The following MDFIC2 variants were observed in gnomAD, a reference collection of about 807,000 sequenced individuals.
MDFIC2 encodes MyoD family inhibitor domain containing 2, also known as myoD family inhibitor domain-containing protein 2.
chr3:70,234,971 C>T (rs569834751), intron 2 of MDFIC2, among the ~76,000 whole-genome samples: 2 of 152,208 alleles, frequency 1.3e-5, no homozygotes, highest in Admixed American at 1.3e-4. Flanking sequence ...CTGGGCATCA[C>T]GATTTTTAGC....
intron 2 of MDFIC2, among the ~76,000 whole-genome samples, chr3:70,261,914 C>A (rs1344075532): frequency 2.0e-5 from 3 of 152,060 alleles, no homozygotes; most frequent in Non-Finnish European, 4.4e-5. Context: ...TGTTTCATAC[C>A]TTACCATAAA....
Position 70,225,423 on chromosome 3 carries a change from A to G in MDFIC2, c.89-18633T>C, listed in dbSNP as rs76210785. Among the ~76,000 whole-genome samples the G allele has an allele frequency of 6.9e-3, 1,045 of 152,122 alleles. 61 individuals are homozygous for G. In the East Asian group the frequency reaches 0.15, roughly 21 times the overall value. ...TAACAATGCTTTATTATTCACATTG[A>G]TCTTTTTTTATAGTGTTCTTTATCT... On this transcript the variant is annotated intron_variant, in intron 2 of 3. Transcript: ENST00000567252.
chr3:70,233,104 G>T (rs962843376), intron 2 of MDFIC2, among the ~76,000 whole-genome samples: 6 of 152,118 alleles, frequency 3.9e-5, no homozygotes, highest in African/African-American at 1.4e-4. Flanking sequence ...CACAAGAATC[G>T]CTTAAACCTG....
At chr3:70,232,301 T>C (rs1220434731) in intron 2 of MDFIC2, among the ~76,000 whole-genome samples, 1 of 152,202 alleles carries the variant, frequency 6.6e-6, no homozygotes, top group Non-Finnish European at 1.5e-5. Flanking sequence ...TCCCAGCAAG[T>C]GTCTCATCTT....
chr3:70,272,152 T>G (rs950147878), intron 2 of MDFIC2: 1 of 152,192 alleles, frequency 6.6e-6, no homozygotes, highest in African/African-American at 2.4e-5. Context: ...CCGAAGTATA[T>G]GTAATGTACA....
intron 2 of MDFIC2, among the ~76,000 whole-genome samples, chr3:70,290,213 G>A (rs2106691713): frequency 6.6e-6 from 1 of 152,296 alleles, no homozygotes; most frequent in African/African-American, 2.4e-5. Flanking sequence ...GGTCTTTGAT[G>A]ATGGTGATGT....
intron 2 of MDFIC2, among the ~76,000 whole-genome samples, chr3:70,239,204 G>T (rs1701641292): frequency 6.6e-6 from 1 of 152,152 alleles, no homozygotes; most frequent in Admixed American, 6.6e-5. Flanking sequence ...TACGTACTCA[G>T]TTCAACTATG....
intron 2 of MDFIC2, among the ~76,000 whole-genome samples, chr3:70,304,740 C>T (rs1182342649): frequency 6.6e-6 from 1 of 152,126 alleles, no homozygotes; most frequent in Non-Finnish European, 1.5e-5. Flanking sequence ...TTCTCTTTAC[C>T]TCATGCAATA....
intron 2 of MDFIC2, among the ~76,000 whole-genome samples, chr3:70,274,921 T>C (rs1702008222): frequency 6.6e-6 from 1 of 152,176 alleles, no homozygotes; most frequent in African/African-American, 2.4e-5. Context: ...TTTATTAGTT[T>C]GGCAAAATGA....
intron 3 of MDFIC2, among the ~76,000 whole-genome samples, chr3:70,203,264 G>A (rs1317460670): frequency 1.3e-5 from 2 of 152,042 alleles, no homozygotes; most frequent in Admixed American, 6.6e-5. Flanking sequence ...GCATCATAAT[G>A]AGATTCATGA....
chr3:70,294,034 A>T (rs1702266371), intron 2 of MDFIC2, among the ~76,000 whole-genome samples: 1 of 152,086 alleles, frequency 6.6e-6, no homozygotes, highest in South Asian at 2.1e-4. Flanking sequence ...TTTAATATTT[A>T]TCAATTTTTA....
At chr3:70,238,320 A>T (rs981469507) in intron 2 of MDFIC2, among the ~76,000 whole-genome samples, 4 of 152,014 alleles carry the variant, frequency 2.6e-5, no homozygotes, top group African/African-American at 9.7e-5. Flanking sequence ...TAAAAAGTCT[A>T]TCTGAGGCTG....
At chr3:70,305,245 A>G (rs1042981491) in intron 2 of MDFIC2, among the ~76,000 whole-genome samples, 4 of 152,154 alleles carry the variant, frequency 2.6e-5, no homozygotes, top group South Asian at 2.1e-4. Context: ...GGCTATGCTT[A>G]AAAACAAAAC....
chr3:70,215,308 T>C (rs964516228), intron 2 of MDFIC2, among the ~76,000 whole-genome samples: 2 of 152,096 alleles, frequency 1.3e-5, no homozygotes, highest in African/African-American at 4.8e-5. Context: ...CTAATTCCTA[T>C]GGCAGTCAGA....
chr3:70,245,483 T>C (rs1169095009), intron 2 of MDFIC2, among the ~76,000 whole-genome samples: 2 of 151,550 alleles, frequency 1.3e-5, no homozygotes, highest in South Asian at 4.1e-4. Flanking sequence ...ATGGCCTCTT[T>C]AAATGACTTT....
At chr3:70,297,471 C>T (rs770618405) in intron 2 of MDFIC2, among the ~76,000 whole-genome samples, 1 of 151,952 alleles carries the variant, frequency 6.6e-6, no homozygotes, top group Non-Finnish European at 1.5e-5. Context: ...TCTCTGGTTA[C>T]TAATGACAAA....
chr3:70,225,073 G>A (rs1178175053), intron 2 of MDFIC2, among the ~76,000 whole-genome samples: 1 of 152,054 alleles, frequency 6.6e-6, no homozygotes, highest in Non-Finnish European at 1.5e-5. Flanking sequence ...CTTGGGTGTT[G>A]GAAAGTTACA....
chr3:70,306,300 A>T (rs1259388648), intron 2 of MDFIC2, among the ~76,000 whole-genome samples: 1 of 152,094 alleles, frequency 6.6e-6, no homozygotes, highest in Non-Finnish European at 1.5e-5. Flanking sequence ...TTTAGTAAAG[A>T]CGGGGTTTCA....
chr3:70,292,010 T>G (rs1702243952), intron 2 of MDFIC2: 1 of 152,192 alleles, frequency 6.6e-6, no homozygotes, highest in African/African-American at 2.4e-5. Flanking sequence ...ACACGATGGT[T>G]TCAAAGCTGA....
Sources: gnomAD v4.1 joint callset for allele counts (sites outside exome capture counted in the v4.1 genomes callset) on GRCh38, gnomAD v4.1.1 for gene constraint, MANE v1.5 for transcripts, NCBI Gene and HGNC (gene_info 2026-07-23, HGNC 2026-07-21) for gene names.